Variants in ZBTB20 observed in about 807,000 individuals in gnomAD.
ZBTB20 encodes zinc finger and BTB domain-containing protein 20.
ZBTB20 carries 9 observed loss-of-function variants against 56.9 expected under a neutral mutation model. That is an observed-to-expected ratio of 0.16 (90% CI 0.10 to 0.28). The LOEUF (loss-of-function observed/expected upper bound fraction) is 0.28, where lower values mean the gene tolerates loss of function less well. Ranked by LOEUF, ZBTB20 falls within the 10% of genes least tolerant of loss-of-function variation. The pLI is 1.00. For missense variants in ZBTB20, 655 were observed against 1,003.0 expected (o/e 0.65, Z 4.69); for synonymous variants, 417 against 420.7 (o/e 0.99, Z 0.11).
chr3:115,001,869 A>ATTTT lies in ZBTB20; in HGVS notation c.-506-27454_-506-27453insAAAA, dbSNP rs1186395506. ...CATAATCCCAATCAAAATCCCACAA[A>ATTTT]GTTATTTTGTGGATATTCACAAACT... On this transcript the variant is annotated intron_variant, in intron 2 of 11. Coordinates refer to ENST00000675478, the MANE Select transcript of ZBTB20 (RefSeq NM_001348800.3). 6.3e-4 allele frequency among the ~76,000 whole-genome samples: 96 copies of ATTTT among 151,558 alleles called. 1 individual carries two copies. Among genetic ancestry groups the ATTTT allele is most frequent in the Middle Eastern group, 3.4e-3 (1 of 294 alleles).
In ZBTB20 at chr3:114,449,256, A is replaced by G. The variant is rs147681939; in HGVS notation, c.-255+51096T>C. ...ATTGGATTTTCTTCAAGCCTTTTCA[A>G]GACAAGTTCAGTTCTGTGTCAAGGA... is the stretch of plus-strand genomic sequence containing the variant. On this transcript the variant is annotated intron_variant, in intron 7 of 11. Transcript: ENST00000675478. Among the ~76,000 whole-genome samples, 650 of 152,300 alleles carry G rather than the reference A, an allele frequency of 4.3e-3. 22 individuals are homozygous for G. The highest frequency in any genetic ancestry group is 0.027 in the Admixed American group (408 of 15,286).
At chr3:114,510,764 T>C (rs1221672735) in intron 6 of ZBTB20, among the ~76,000 whole-genome samples, 1 of 152,048 alleles carries the variant, frequency 6.6e-6, no homozygotes, top group Non-Finnish European at 1.5e-5. Context: ...AAGTAGCAAA[T>C]AATACATAAG....
chr3:114,438,052 A>G (rs185152974), intron 7 of ZBTB20, among the ~76,000 whole-genome samples: 117 of 152,282 alleles, frequency 7.7e-4, no homozygotes, highest in Non-Finnish European at 1.5e-4. Flanking sequence ...GACTGAAGCG[A>G]GGAACTGCCT....
chr3:114,873,313 G>C (rs1446189985), intron 4 of ZBTB20: 1 of 152,156 alleles, frequency 6.6e-6, no homozygotes, highest in Non-Finnish European at 1.5e-5. Context: ...ACACGGTTTA[G>C]TGAAGGAATT....
chr3:114,961,131 T>C (rs940918901), intron 3 of ZBTB20, among the ~76,000 whole-genome samples: 29 of 150,834 alleles, frequency 1.9e-4, no homozygotes, highest in African/African-American at 4.9e-5. Context: ...AAAAAATACA[T>C]GATAACTGGT....
At chr3:114,677,629 G>A (rs536284369) in intron 6 of ZBTB20, among the ~76,000 whole-genome samples, 1 of 152,236 alleles carries the variant, frequency 6.6e-6, no homozygotes, top group South Asian at 2.1e-4. Context: ...AAAAACGTTG[G>A]TGGCTGCTGG....
chr3:114,937,912 A>G (rs1055830319), intron 3 of ZBTB20, among the ~76,000 whole-genome samples: 1 of 151,962 alleles, frequency 6.6e-6, no homozygotes, highest in Admixed American at 6.6e-5. Context: ...CCTGGCTAAC[A>G]CGGTGAAGCC....
At chr3:114,409,443 CACT>C (rs2087707962) in intron 7 of ZBTB20, among the ~76,000 whole-genome samples, 1 of 151,660 alleles carries the variant, frequency 6.6e-6, no homozygotes, top group Non-Finnish European at 1.5e-5. Flanking sequence ...TTTAATACAC[CACT>C]GATTAAACGG....
intron 1 of ZBTB20, among the ~76,000 whole-genome samples, chr3:115,080,095 G>T (rs540240471): frequency 6.6e-6 from 1 of 152,116 alleles, no homozygotes; most frequent in Non-Finnish European, 1.5e-5. Flanking sequence ...CTTTTGAGAG[G>T]TAACTGGGAT....
chr3:114,648,974 G>T (rs776755875), intron 6 of ZBTB20, among the ~76,000 whole-genome samples: 42 of 152,024 alleles, frequency 2.8e-4, no homozygotes, highest in African/African-American at 9.4e-4. Flanking sequence ...TGACCTATAC[G>T]TTACTAAATA....
intron 7 of ZBTB20, among the ~76,000 whole-genome samples, chr3:114,482,016 G>A (rs540515353): frequency 2.0e-5 from 3 of 152,340 alleles, no homozygotes; most frequent in East Asian, 3.9e-4. Flanking sequence ...TAGAGCAAGG[G>A]TAGGGTGAGG....
intron 5 of ZBTB20, among the ~76,000 whole-genome samples, chr3:114,702,665 TTGTGTGTGTG>T (rs137914062): frequency 6.8e-6 from 1 of 146,612 alleles, no homozygotes; most frequent in Non-Finnish European, 1.5e-5. Flanking sequence ...TTAGTCTAAA[TTGTGTGTGTG>T]TGTGTGTGTG....
intron 1 of ZBTB20, among the ~76,000 whole-genome samples, chr3:115,078,175 A>G (rs761831301): frequency 1.3e-5 from 2 of 152,198 alleles, no homozygotes; most frequent in Non-Finnish European, 2.9e-5. Flanking sequence ...TTAAATATAG[A>G]GACAATTCAT....
intron 6 of ZBTB20, among the ~76,000 whole-genome samples, chr3:114,662,045 C>A (rs200690785): frequency 0.16 from 17,780 of 112,176 alleles, 2,345 homozygotes; most frequent in African/African-American, 0.36. Context: ...CCAATGCTAT[C>A]CCTCCCCCCT....
At chr3:114,713,335 G>A (rs73857640) in intron 5 of ZBTB20, among the ~76,000 whole-genome samples, 2,660 of 152,144 alleles carry the variant, frequency 0.017, 88 homozygotes, top group African/African-American at 0.06. Context: ...ATTCCCCGTA[G>A]AATTAAAATT....
At chr3:114,949,585 T>C (rs547243579) in intron 3 of ZBTB20, among the ~76,000 whole-genome samples, 4 of 145,638 alleles carry the variant, frequency 2.7e-5, no homozygotes, top group Admixed American at 2.0e-4. Flanking sequence ...CTGGCTAACA[T>C]GGTGAAACCC....
At chr3:114,930,754 G>A (rs2076328571) in intron 3 of ZBTB20, 1 of 266,314 alleles carries the variant, frequency 3.8e-6, no homozygotes, top group Non-Finnish European at 7.7e-6. Flanking sequence ...GGAAGATGCA[G>A]TTGTACAGCA....
At chr3:114,985,704 C>A (rs1019843271) in intron 2 of ZBTB20, among the ~76,000 whole-genome samples, 1 of 152,008 alleles carries the variant, frequency 6.6e-6, no homozygotes, top group Non-Finnish European at 1.5e-5. Flanking sequence ...AGACCAAACC[C>A]TGAATCTTTA....
chr3:114,404,617 T>C (rs1218167392), intron 7 of ZBTB20, among the ~76,000 whole-genome samples: 1 of 152,142 alleles, frequency 6.6e-6, no homozygotes, highest in Admixed American at 6.6e-5. Flanking sequence ...TATAGTCTGG[T>C]GTACAGACGT....
Sources: allele counts gnomAD v4.1 joint callset (sites outside exome capture counted in the v4.1 genomes callset), GRCh38; gene constraint gnomAD v4.1.1; transcripts MANE v1.5; gene names NCBI Gene and HGNC (gene_info 2026-07-23, HGNC 2026-07-21).